Variants in PRRT1B observed in about 807,000 individuals in gnomAD.
PRRT1B encodes the protein proline rich transmembrane protein 1B.
chr9:131,555,123 TG>T, intron 2 of PRRT1B, 94 bp downstream of exon 2: 1 of 380,970 alleles, frequency 2.6e-6, no homozygotes, highest in Non-Finnish European at 4.7e-6. Flanking sequence ...CTTCTGTCCC[TG>T]GGGGCGGGCG....
chr9:131,550,654 G>A (rs564828718), intron 1 of PRRT1B, among the ~76,000 whole-genome samples: 11 of 152,262 alleles, frequency 7.2e-5, no homozygotes, highest in African/African-American at 2.4e-4. Flanking sequence ...TCGGGACTGC[G>A]CCCCGTAGCC....
chr9:131,547,644 G>A (rs561476068), intron 1 of PRRT1B, among the ~76,000 whole-genome samples: 2 of 152,260 alleles, frequency 1.3e-5, no homozygotes, highest in East Asian at 3.9e-4. Flanking sequence ...GACTCAGATC[G>A]GGGGACCTCC....
intron 1 of PRRT1B, among the ~76,000 whole-genome samples, chr9:131,553,218 C>G (rs1267886725): frequency 3.9e-5 from 6 of 152,234 alleles, no homozygotes; most frequent in African/African-American, 1.4e-4. Context: ...GCAGGCATCA[C>G]CACTATCCAT....
At position 131,551,209 on chromosome 9, in the gene PRRT1B, T is replaced by C. The variant is rs1346117366; in HGVS notation, c.26-3348T>C. Among the ~76,000 whole-genome samples the C allele has an allele frequency of 6.6e-6, 1 of 152,112 alleles. No individual in the cohort carries two copies. The highest frequency in any genetic ancestry group is 2.4e-5 in the African/African-American group (1 of 41,412). ...CACCCGCTTCAGCCTCCCAAAATGC[T>C]GGGATTACGGGTGTGAGCCACCGCG... On this transcript the variant is annotated intron_variant, in intron 1 of 3. Coordinates refer to ENST00000636672, the Ensembl canonical transcript of PRRT1B. The surrounding 1 kb of genome is among the most constrained non-coding windows in gnomAD (Gnocchi z 4.4).
chr9:131,555,233 G>A (rs1373538130), intron 2 of PRRT1B, among the ~76,000 whole-genome samples: 1 of 152,206 alleles, frequency 6.6e-6, no homozygotes, highest in Admixed American at 6.5e-5. Flanking sequence ...CCTGGACAGA[G>A]GACACCGCAC....
chr9:131,552,657 G>GC (rs975740845), intron 1 of PRRT1B, among the ~76,000 whole-genome samples: 1 of 148,944 alleles, frequency 6.7e-6, no homozygotes, highest in African/African-American at 2.5e-5. Flanking sequence ...TGCAGTTTGG[G>GC]GGGGAGCCCA....
At chr9:131,549,043 C>T (rs891609658) in intron 1 of PRRT1B, among the ~76,000 whole-genome samples, 1 of 152,138 alleles carries the variant, frequency 6.6e-6, no homozygotes, top group Non-Finnish European at 1.5e-5. Context: ...GCTTTACAGC[C>T]CTAGACCCTA....
At chr9:131,556,607 T>C (rs554235642) in intron 3 of PRRT1B, among the ~76,000 whole-genome samples, 8 of 151,906 alleles carry the variant, frequency 5.3e-5, no homozygotes, top group Admixed American at 2.0e-4. Context: ...CACCCACCCA[T>C]TTATCCATCC....
chr9:131,550,651 T>C (rs11243421), intron 1 of PRRT1B, among the ~76,000 whole-genome samples: 92,129 of 151,626 alleles, frequency 0.61, 28,744 homozygotes, highest in African/African-American at 0.75. Flanking sequence ...GAGTCGGGAC[T>C]GCGCCCCGTA....
At chr9:131,548,483 G>T (rs1950990034) in intron 1 of PRRT1B, among the ~76,000 whole-genome samples, 1 of 152,044 alleles carries the variant, frequency 6.6e-6, no homozygotes, top group Admixed American at 6.6e-5. Flanking sequence ...CGGCACTTTC[G>T]ATTTTTCCAT....
At chr9:131,547,218 A>G (rs1950982436) in intron 1 of PRRT1B, among the ~76,000 whole-genome samples, 1 of 151,984 alleles carries the variant, frequency 6.6e-6, no homozygotes, top group African/African-American at 2.4e-5. Flanking sequence ...GCCCAATGTC[A>G]GGCCTCCGAG....
chr9:131,557,126 C>A (rs1425963715), intron 3 of PRRT1B, among the ~76,000 whole-genome samples: 4 of 152,110 alleles, frequency 2.6e-5, no homozygotes, highest in Non-Finnish European at 5.9e-5. Flanking sequence ...ATACACCCAC[C>A]TACCACCCAT....
rs1951011252 is a variant in PRRT1B at position 131,551,369 on chromosome 9, T to A, written c.26-3188T>A. On this transcript the variant is annotated intron_variant, in intron 1 of 3. Coordinates refer to ENST00000636672, the Ensembl canonical transcript of PRRT1B. This position sits in a 1 kb window ranked among gnomAD's most constrained non-coding sequence, Gnocchi z 4.4. Reference sequence around the variant, plus strand: ...CACAAAATCTTCCTTCAGCTTAATCTCTCCCACTCTAGGTTCCCACGCCGC... The same window carrying A: ...CACAAAATCTTCCTTCAGCTTAATCACTCCCACTCTAGGTTCCCACGCCGC... Among the ~76,000 whole-genome samples the A allele has an allele frequency of 1.3e-5, 2 of 152,024 alleles. No individual in the cohort carries two copies. Among genetic ancestry groups the A allele is most frequent in the African/African-American group, 4.8e-5 (2 of 41,366 alleles).
chr9:131,551,245 G>A lies in PRRT1B; in HGVS notation c.26-3312G>A, dbSNP rs999643916. Among the ~76,000 whole-genome samples, 2 of 151,766 alleles carry A rather than the reference G, an allele frequency of 1.3e-5. No homozygotes were observed. Among genetic ancestry groups the A allele is most frequent in the African/African-American group, 2.4e-5 (1 of 41,328 alleles). Reference sequence around the variant, plus strand: ...GTGTGAGCCACCGCGCCCGACCTGCGTTTAGTTTTTCAATTCATACAAAAC... The same window carrying A: ...GTGTGAGCCACCGCGCCCGACCTGCATTTAGTTTTTCAATTCATACAAAAC... On this transcript the variant is annotated intron_variant, in intron 1 of 3. Coordinates refer to ENST00000636672, the Ensembl canonical transcript of PRRT1B. This position sits in a 1 kb window ranked among gnomAD's most constrained non-coding sequence, Gnocchi z 4.4.
At chr9:131,549,395 C>T (rs1022043917) in intron 1 of PRRT1B, among the ~76,000 whole-genome samples, 9 of 151,324 alleles carry the variant, frequency 5.9e-5, no homozygotes, top group African/African-American at 2.2e-4. Flanking sequence ...CGAGGAATGC[C>T]CCCAGCCCGG....
rs1476113600 is a variant in PRRT1B, at chr9:131,551,631, AAAG to A, written c.26-2922_26-2920del. ...CCTTAACTGATGACATTCCACCACA[AAAG>A]AAGTGAAAATGGCCTGTTCCTGCCT... On this transcript the variant is annotated intron_variant, in intron 1 of 3. Coordinates refer to ENST00000636672, the Ensembl canonical transcript of PRRT1B. This position sits in a 1 kb window ranked among gnomAD's most constrained non-coding sequence, Gnocchi z 4.4. 6.6e-6 allele frequency among the ~76,000 whole-genome samples: 1 copy of A among 151,572 alleles called. No individual in the cohort carries two copies. The highest frequency in any genetic ancestry group is 1.5e-5 in the Non-Finnish European group (1 of 67,606).
intron 1 of PRRT1B, among the ~76,000 whole-genome samples, chr9:131,548,268 T>A (rs1950988576): frequency 6.6e-6 from 1 of 151,914 alleles, no homozygotes; most frequent in African/African-American, 2.4e-5. Flanking sequence ...TCTCTCCGTA[T>A]CTCTACCCTT....
intron 1 of PRRT1B, among the ~76,000 whole-genome samples, chr9:131,549,482 C>G (rs1950996943): frequency 6.6e-6 from 1 of 152,208 alleles, no homozygotes; most frequent in African/African-American, 2.4e-5. Flanking sequence ...GGCAGCCACT[C>G]CCAGAGCCCC....
chr9:131,554,316 G>A (rs1270518015), intron 1 of PRRT1B, among the ~76,000 whole-genome samples: 1 of 152,140 alleles, frequency 6.6e-6, no homozygotes, highest in African/African-American at 2.4e-5. Flanking sequence ...AAAGGGGGTG[G>A]GACAGTGCGG....
Sources: allele counts gnomAD v4.1 joint callset (sites outside exome capture counted in the v4.1 genomes callset), GRCh38; gene constraint gnomAD v4.1.1; non-coding constraint Gnocchi (gnomAD v3.1); transcripts MANE v1.5; gene names NCBI Gene and HGNC (gene_info 2026-07-23, HGNC 2026-07-21).